Variants in FAM151B observed in about 807,000 individuals in gnomAD.
FAM151B encodes protein FAM151B.
A neutral mutation model predicts 31.2 loss-of-function variants in FAM151B; 24 were observed. That is an observed-to-expected ratio of 0.77 (90% CI 0.56 to 1.08). The LOEUF is 1.08. Among genes scored for constraint, FAM151B ranks in the 50% least tolerant of loss-of-function variants. FAM151B has a pLI of 0.00. For synonymous variants in FAM151B, 105 were observed against 111.4 expected (o/e 0.94, Z 0.36); for missense variants, 293 against 328.6 (o/e 0.89, Z 0.84).
At chr5:80,538,442 TTCTTTC>T (rs1170317100) in intron 5 of FAM151B, among the ~76,000 whole-genome samples, 794 of 56,310 alleles carry the variant, frequency 0.014, 5 homozygotes, top group African/African-American at 0.05. Flanking sequence ...CTTTCTTTCT[TTCTTTC>T]TCTTTCTTTC....
intron 3 of FAM151B, among the ~76,000 whole-genome samples, chr5:80,517,473 G>T (rs977082186): frequency 6.6e-6 from 1 of 152,090 alleles, no homozygotes. Flanking sequence ...AAGAACTTTA[G>T]AATTACTTCG....
In FAM151B at chr5:80,519,926, A is replaced by G. The variant is rs766017647; in HGVS notation, c.535+16A>G. 5.0e-6 allele frequency: 8 copies of G among 1,603,362 alleles called. No individual in the cohort carries two copies. Among genetic ancestry groups the G allele is most frequent in the Non-Finnish European group, 2.6e-6 (3 of 1,171,418 alleles). On this transcript the variant is annotated intron_variant, in intron 4 of 5. Transcript: ENST00000282226. ...GTCAATGAAGGTAATAATTCTAATA[A>G]TGTATTTCTTGGTCAAATTAAAATA... is the stretch of plus-strand genomic sequence containing the variant.
In FAM151B at chr5:80,542,314, GATCT is replaced by G. The variant is rs1745933189; in HGVS notation, c.*485_*488del. The G allele has an allele frequency of 6.5e-6, 1 of 153,174 alleles. No individual in the cohort carries two copies. The highest frequency in any genetic ancestry group is 2.4e-5 in the African/African-American group (1 of 41,440). The allele number at this position is 153,174 out of a possible 1,614,324, so 9.5% of individuals were successfully genotyped here. A position where few individuals can be genotyped will look rare whatever the true frequency, so the allele number is the denominator to read the frequency against. On this transcript the variant is annotated 3_prime_UTR_variant, in exon 6 of 6. Transcript: ENST00000282226. The stretch of plus-strand genomic sequence containing the variant: ...GGGGTCAGCAGCTGTCTCATATCAA[GATCT>G]ATTAATCCATTTCCTGAAACTGTAG...
intron 3 of FAM151B, among the ~76,000 whole-genome samples, 173 bp from the exon 4 acceptor site, chr5:80,519,520 T>G (rs1296406802): frequency 6.6e-6 from 1 of 152,210 alleles, no homozygotes; most frequent in Non-Finnish European, 1.5e-5. Context: ...CATTTAGAGA[T>G]ATGGCATATG....
chr5:80,538,925 A>T (rs1272774677), intron 5 of FAM151B, among the ~76,000 whole-genome samples: 1 of 148,246 alleles, frequency 6.7e-6, no homozygotes, highest in East Asian at 2.0e-4. Context: ...AAAAGATGTT[A>T]TGGTATGTCA....
rs74549405 is a variant in FAM151B, at chr5:80,489,130, A to G, written c.25+982A>G. Among the ~76,000 whole-genome samples the G allele has an allele frequency of 7.9e-5, 12 of 152,292 alleles. No homozygotes were observed. The East Asian group carries it at 2.3e-3, about 29-fold the overall frequency. On this transcript the variant is annotated intron_variant, in intron 1 of 5. Transcript: ENST00000282226. Reference sequence around the variant, plus strand: ...AATGACTGAAGTGTTTTATACAATTATATTGTATACAATTATATTGTAATT... The same window carrying G: ...AATGACTGAAGTGTTTTATACAATTGTATTGTATACAATTATATTGTAATT...
Position 80,506,183 on chromosome 5 carries a change from T to C in FAM151B, c.151+4266T>C, listed in dbSNP as rs80170982. On this transcript the variant is annotated intron_variant, in intron 2 of 5. Coordinates refer to ENST00000282226, the MANE Select transcript of FAM151B (RefSeq NM_205548.3). ...CACTTGAAGTTTTCCTGATGATTCA[T>C]ATTGCTCCCATGGTGGGCAAGTGAT... 4.3e-3 allele frequency: 3,862 copies of C among 893,522 alleles called. 100 individuals are homozygous for C. The African/African-American group carries it at 0.064, about 15-fold the overall frequency. 55.3% of individuals were successfully genotyped at this position (893,522 alleles called of 1,614,324 possible).
At chr5:80,512,329 C>T (rs1744223203) in intron 2 of FAM151B, among the ~76,000 whole-genome samples, 1 of 152,192 alleles carries the variant, frequency 6.6e-6, no homozygotes, top group South Asian at 2.1e-4. Flanking sequence ...TTTATGATTA[C>T]AGTTCATTTG....
chr5:80,531,822 A>C (rs1449491514), intron 5 of FAM151B, among the ~76,000 whole-genome samples: 1 of 152,190 alleles, frequency 6.6e-6, no homozygotes, highest in Non-Finnish European at 1.5e-5. Context: ...TGTGGAAGAC[A>C]GTGTGGTGAT....
intron 2 of FAM151B, among the ~76,000 whole-genome samples, chr5:80,506,935 A>G (rs1743984822): frequency 6.6e-6 from 1 of 151,912 alleles, no homozygotes; most frequent in African/African-American, 2.4e-5. Context: ...CCTGGCCAAC[A>G]TGGTGAACCT....
At chr5:80,529,787 A>G (rs1471975906) in intron 5 of FAM151B, among the ~76,000 whole-genome samples, 1 of 152,242 alleles carries the variant, frequency 6.6e-6, no homozygotes, top group African/African-American at 2.4e-5. Context: ...AGACGGATTC[A>G]CAGCTGAATC....
chr5:80,490,320 G>A (rs1580404589), intron 1 of FAM151B, among the ~76,000 whole-genome samples: 1 of 152,088 alleles, frequency 6.6e-6, no homozygotes, highest in Admixed American at 6.5e-5. Context: ...CGCTTAAGCC[G>A]GAGAGGCTGC....
intron 5 of FAM151B, among the ~76,000 whole-genome samples, chr5:80,529,715 A>G (rs1229316365): frequency 5.3e-5 from 8 of 152,234 alleles, no homozygotes; most frequent in African/African-American, 1.9e-4. Context: ...GAATAGACCA[A>G]TAACAGGCTC....
chr5:80,541,969 T>A lies in FAM151B; in HGVS notation c.*137T>A. On this transcript the variant is annotated 3_prime_UTR_variant, in exon 6 of 6. Transcript: ENST00000282226. ...AATCAAGAAACGTTTATTGTATGCT[T>A]ACTCTGTGGGCATATGTCCTTATAA... 3 of 888,388 alleles carry A rather than the reference T, an allele frequency of 3.4e-6. No individual in the cohort carries two copies. The highest frequency in any genetic ancestry group is 5.1e-6 in the Non-Finnish European group (3 of 591,954). The allele number at this position is 888,388 out of a possible 1,614,324, so 55.0% of individuals were successfully genotyped here. A position where few individuals can be genotyped will look rare whatever the true frequency, so the allele number is the denominator to read the frequency against.
At chr5:80,497,164 G>A (rs11953926) in intron 1 of FAM151B, among the ~76,000 whole-genome samples, 3,220 of 151,620 alleles carry the variant, frequency 0.021, 114 homozygotes, top group African/African-American at 0.073. Context: ...GGTGGCTCAC[G>A]CCTATAATCT....
chr5:80,532,250 A>G (rs567864572), intron 5 of FAM151B, among the ~76,000 whole-genome samples: 151 of 151,308 alleles, frequency 1.0e-3, no homozygotes, highest in African/African-American at 3.6e-3. Context: ...GGATAGCATG[A>G]GGAGATATAC....
At chr5:80,506,889 G>A (rs901471938) in intron 2 of FAM151B, among the ~76,000 whole-genome samples, 5 of 152,070 alleles carry the variant, frequency 3.3e-5, no homozygotes, top group African/African-American at 4.8e-5. Context: ...GGTGGCTCAC[G>A]CCTGTACTCC....
At chr5:80,500,830 G>T in intron 1 of FAM151B, 1 of 1,381,858 alleles carries the variant, frequency 7.2e-7, no homozygotes, top group South Asian at 1.2e-5. Context: ...GAAGCGAATT[G>T]CTTTAACAGA....
intron 4 of FAM151B, 114 bp downstream of exon 4, chr5:80,520,024 A>G: frequency 2.1e-6 from 2 of 958,266 alleles, no homozygotes; most frequent in Non-Finnish European, 3.1e-6. Flanking sequence ...GCCTGATGGA[A>G]AAAAAGGCCT....
Sources: gnomAD v4.1 joint callset for allele counts (sites outside exome capture counted in the v4.1 genomes callset) on GRCh38, gnomAD v4.1.1 for gene constraint, MANE v1.5 for transcripts, NCBI Gene and HGNC (gene_info 2026-07-23, HGNC 2026-07-21) for gene names.